FRS2: variants seen among roughly 807,000 people sequenced by gnomAD.
The protein encoded by FRS2 is FGFR signalling adaptor.
FRS2 carries 8 observed loss-of-function variants against 43.9 expected under a neutral mutation model. That is an observed-to-expected ratio of 0.18 (90% CI 0.11 to 0.33). The LOEUF is 0.33. Ranked by LOEUF, FRS2 falls within the 10% of genes least tolerant of loss-of-function variation. FRS2 has a pLI of 1.00. For synonymous variants in FRS2, 219 were observed against 220.3 expected, an observed-to-expected ratio of 0.99 and a Z score of 0.05; for missense variants, 534 against 627.6, an observed-to-expected ratio of 0.85 and a Z score of 1.59.
chr12:69,514,090 A>G (rs1325951141), intron 1 of FRS2, among the ~76,000 whole-genome samples: 1 of 152,022 alleles, frequency 6.6e-6, no homozygotes, highest in East Asian at 1.9e-4. Context: ...GTGAGAATAG[A>G]TTTCGCCCCT....
intron 1 of FRS2, among the ~76,000 whole-genome samples, chr12:69,483,700 ATAAAT>A (rs1871558978): frequency 6.6e-6 from 1 of 152,244 alleles, no homozygotes; most frequent in Non-Finnish European, 1.5e-5. Flanking sequence ...ATATAAAAAA[ATAAAT>A]TAAGCTTAAA....
intron 1 of FRS2, among the ~76,000 whole-genome samples, chr12:69,492,821 C>G (rs1283614616): frequency 2.0e-5 from 3 of 152,110 alleles, no homozygotes; most frequent in Non-Finnish European, 4.4e-5. Context: ...CTGTTTGGTT[C>G]CATGGTGGAG....
At chr12:69,511,945 A>C (rs1874499376) in intron 1 of FRS2, among the ~76,000 whole-genome samples, 1 of 152,166 alleles carries the variant, frequency 6.6e-6, no homozygotes, top group African/African-American at 2.4e-5. Flanking sequence ...GCTTTTGTTC[A>C]GTCAGTCTCA....
rs868438606 is a variant in FRS2, at chr12:69,518,991, C to T, written c.-260-11874C>T. On this transcript the variant is annotated intron_variant, in intron 1 of 8. Coordinates refer to ENST00000549921, the MANE Select transcript of FRS2 (RefSeq NM_001278356.2). ...AGCCTTGGCAACAAGAACAAAACTCCGTCTCAAAAAAAAAAAAAAAAAAAG... is the reference window on the plus strand; with the variant it reads ...AGCCTTGGCAACAAGAACAAAACTCTGTCTCAAAAAAAAAAAAAAAAAAAG... Among the ~76,000 whole-genome samples, 5 of 137,480 alleles carry T rather than the reference C, an allele frequency of 3.6e-5. No homozygotes were observed. The South Asian group carries it at 7.1e-4, about 20-fold the overall frequency. The allele number at this position is 137,480 out of a possible 152,430, so 90.2% of individuals were successfully genotyped here. A position where few individuals can be genotyped will look rare whatever the true frequency, so the allele number is the denominator to read the frequency against.
chr12:69,484,095 C>CTTTCTTTTTTTTTTTT (rs1555183009), intron 1 of FRS2, among the ~76,000 whole-genome samples: 2 of 149,264 alleles, frequency 1.3e-5, no homozygotes, highest in Non-Finnish European at 3.0e-5. Context: ...GCTTTTCTTT[C>CTTTCTTTTTTTTTTTT]TTTTTTTTTG....
intron 4 of FRS2, among the ~76,000 whole-genome samples, chr12:69,564,300 T>G (rs1430006850): frequency 6.6e-6 from 1 of 151,994 alleles, no homozygotes; most frequent in African/African-American, 2.4e-5. Context: ...TTAAACACAT[T>G]TGTATTTCCC....
Position 69,574,636 on chromosome 12 carries a change from G to A in FRS2, c.1208G>A (p.Ser403Asn), listed in dbSNP as rs1177307615. Reference protein sequence around the residue: ...VNTENVTVPASAHKIEYSRRR... With the variant: ...VNTENVTVPANAHKIEYSRRR... Reference sequence around the variant, plus strand: ...ACAGAGAATGTAACAGTGCCAGCAAGTGCTCACAAAATAGAATATTCAAGG... The same window carrying A: ...ACAGAGAATGTAACAGTGCCAGCAAATGCTCACAAAATAGAATATTCAAGG... Residue 403 changes from serine (S) to asparagine (N), a missense_variant, in exon 9 of 9, where the codon AGT becomes AAT. This residue lies in a region of FRS2 where 446 missense variants were observed against 494.2 expected (regional missense o/e 0.90). Transcript: ENST00000549921. The A allele has an allele frequency of 6.2e-7, 1 of 1,614,068 alleles. No individual in the cohort carries two copies. The highest frequency in any genetic ancestry group is 8.5e-7 in the Non-Finnish European group (1 of 1,180,044).
intron 1 of FRS2, among the ~76,000 whole-genome samples, chr12:69,524,406 G>A (rs990616674): frequency 1.3e-5 from 2 of 152,054 alleles, no homozygotes; most frequent in African/African-American, 4.8e-5. Context: ...ACAGTTGGGG[G>A]AGGGCACAGG....
Position 69,574,354 on chromosome 12 carries a change from T to C in FRS2, c.926T>C (p.Ile309Thr). 5 of 1,613,984 alleles carry C rather than the reference T, an allele frequency of 3.1e-6. No homozygotes were observed. Among genetic ancestry groups the C allele is most frequent in the South Asian group, 2.2e-5 (2 of 91,088 alleles). The change falls in exon 9 of 9, where the codon ATA becomes ACA. Residue 309 changes from isoleucine to threonine, a missense_variant. Ile to Thr is a moderately conservative substitution (Grantham distance 89). Around this residue, in one of 3 missense-constraint regions of FRS2, gnomAD observed 446 missense variants for 494.2 expected, o/e 0.90. Transcript: ENST00000549921. Reference protein sequence around the residue: ...PSVNKLVYENINGLSIPSASG... With the variant: ...PSVNKLVYENTNGLSIPSASG... ...GTTAACAAACTGGTGTATGAAAATA[T>C]AAATGGGCTATCTATCCCTAGTGCC...
intron 3 of FRS2, among the ~76,000 whole-genome samples, chr12:69,552,784 T>C (rs962547057): frequency 3.3e-5 from 5 of 151,352 alleles, no homozygotes; most frequent in African/African-American, 1.2e-4. Flanking sequence ...TCCAGCTACT[T>C]GAGAGGCTGA....
In FRS2 at chr12:69,527,343, A is replaced by ATTTTTTTTTTTTT. The variant is rs1166365306; in HGVS notation, c.-260-3513_-260-3501dup. On this transcript the variant is annotated intron_variant, in intron 1 of 8. Coordinates refer to ENST00000549921, the MANE Select transcript of FRS2 (RefSeq NM_001278356.2). Reference sequence around the variant, plus strand: ...GAGCAAAGTTTTTTTTTTTTTAATGATTTTTTTTTTTTTTTTTTTTTAAAG... The same window carrying ATTTTTTTTTTTTT: ...GAGCAAAGTTTTTTTTTTTTTAATGATTTTTTTTTTTTTTTTTTTTTTTTTTTTTTTTTTAAAG... Among the ~76,000 whole-genome samples the ATTTTTTTTTTTTT allele has an allele frequency of 1.8e-3, 148 of 84,224 alleles. 7 individuals carry two copies. The highest frequency in any genetic ancestry group is 0.014 in the Middle Eastern group (1 of 70). 55.3% of individuals were successfully genotyped at this position (84,224 alleles called of 152,430 possible). A position where few individuals can be genotyped will look rare whatever the true frequency, so the allele number is the denominator to read the frequency against.
intron 3 of FRS2, among the ~76,000 whole-genome samples, chr12:69,548,108 C>T (rs1212353207): frequency 6.6e-6 from 1 of 152,122 alleles, no homozygotes; most frequent in African/African-American, 2.4e-5. Flanking sequence ...CCACCTTAGC[C>T]TCCCGAGTTG....
chr12:69,484,143 G>A (rs1199141324), intron 1 of FRS2, among the ~76,000 whole-genome samples: 1 of 151,190 alleles, frequency 6.6e-6, no homozygotes, highest in African/African-American at 2.4e-5. Context: ...AGAGTGCAGT[G>A]GTGCAATCTC....
chr12:69,570,243 TAACA>T (rs1880634642), intron 5 of FRS2, 84 bp from the exon 6 acceptor site: 2 of 977,506 alleles, frequency 2.0e-6, no homozygotes, highest in East Asian at 4.8e-5. Context: ...ATGAATGAAC[TAACA>T]AATTACAAAT....
At chr12:69,473,869 A>G (rs1024012931) in intron 1 of FRS2, among the ~76,000 whole-genome samples, 13 of 152,058 alleles carry the variant, frequency 8.5e-5, no homozygotes, top group African/African-American at 3.1e-4. Flanking sequence ...TTTGAGACAG[A>G]GTCTAGCTTT....
Position 69,522,238 on chromosome 12 carries a change from C to G in FRS2, c.-260-8627C>G, listed in dbSNP as rs866622434. Among the ~76,000 whole-genome samples, 547 of 105,970 alleles carry G rather than the reference C, an allele frequency of 5.2e-3. 3 individuals are homozygous for G. Among genetic ancestry groups the G allele is most frequent in the African/African-American group, 0.016 (431 of 26,988 alleles). 69.5% of individuals were successfully genotyped at this position (105,970 alleles called of 152,430 possible). A position where few individuals can be genotyped will look rare whatever the true frequency, so the allele number is the denominator to read the frequency against. Reference sequence around the variant, plus strand: ...TGTGTGTGTGTGTGTGTGTGTGTGTCTCTGCCAGGTTTTGGTATCAGGATG... The same window carrying G: ...TGTGTGTGTGTGTGTGTGTGTGTGTGTCTGCCAGGTTTTGGTATCAGGATG... On this transcript the variant is annotated intron_variant, in intron 1 of 8. Transcript: ENST00000549921.
At chr12:69,483,142 A>T (rs1195274555) in intron 1 of FRS2, among the ~76,000 whole-genome samples, 1 of 152,236 alleles carries the variant, frequency 6.6e-6, no homozygotes, top group Non-Finnish European at 1.5e-5. Context: ...ACACAAAAAA[A>T]TTGACATCAA....
chr12:69,483,250 ATTTTATCCCATGTGTAG>A (rs1272510377), intron 1 of FRS2, among the ~76,000 whole-genome samples: 3 of 152,064 alleles, frequency 2.0e-5, no homozygotes, highest in Admixed American at 6.6e-5. Flanking sequence ...GTTCTGTGTA[ATTTTATCCCATGTGTAG>A]TTTTGTGGAA....
At chr12:69,473,116 T>G (rs1337236606) in intron 1 of FRS2, among the ~76,000 whole-genome samples, 1 of 152,266 alleles carries the variant, frequency 6.6e-6, no homozygotes, top group African/African-American at 2.4e-5. Context: ...TACTGTTTAT[T>G]GAGCATTTAC....
Sources: allele counts gnomAD v4.1 joint callset (sites outside exome capture counted in the v4.1 genomes callset), GRCh38; gene constraint gnomAD v4.1.1; regional missense constraint gnomAD v4.1.1; transcripts MANE v1.5; gene names NCBI Gene and HGNC (gene_info 2026-07-23, HGNC 2026-07-21).